The following USP34 variants were observed in gnomAD, a reference collection of about 807,000 sequenced individuals.
The protein encoded by USP34 is ubiquitin specific peptidase 34.
A neutral mutation model predicts 460.3 loss-of-function variants in USP34; 70 were observed. The observed-to-expected ratio is 0.15, with a 90% CI of 0.13 to 0.19. The LOEUF is 0.19. USP34 is among the 10% of genes least tolerant of loss of function. The probability of loss-of-function intolerance (pLI) is 1.00; values close to 1 mark genes in which losing one functional copy is unlikely to be tolerated. For missense variants in USP34, 3,985 were observed against 4,236.2 expected, an observed-to-expected ratio of 0.94 and a Z score of 1.65; for synonymous variants, 1,647 against 1,405.3, an observed-to-expected ratio of 1.17 and a Z score of -3.85.
chr2:61,205,276 G>A (rs1300080176), intron 72 of USP34, among the ~76,000 whole-genome samples: 3 of 152,100 alleles, frequency 2.0e-5, no homozygotes, highest in South Asian at 2.1e-4. Context: ...AATGTTTTAC[G>A]ATGCTGGCTG....
At chr2:61,454,858 GGTTTTTTTTTTCT>G (rs917108702) in intron 1 of USP34, among the ~76,000 whole-genome samples, 21 of 102,076 alleles carry the variant, frequency 2.1e-4, no homozygotes, top group Non-Finnish European at 3.2e-4. Flanking sequence ...AATATAGTGG[GGTTTTTTTTTTCT>G]TTTTTTTTTT....
chr2:61,280,405 T>C, intron 38 of USP34, 57 bp from the exon 39 acceptor site: 1 of 851,032 alleles, frequency 1.2e-6, no homozygotes, highest in Non-Finnish European at 1.7e-6. Context: ...AAAATTATAA[T>C]ACATTTAAGA....
At chr2:61,237,258 A>G (rs1223952619) in intron 53 of USP34, among the ~76,000 whole-genome samples, 1 of 152,120 alleles carries the variant, frequency 6.6e-6, no homozygotes, top group Non-Finnish European at 1.5e-5. Flanking sequence ...AGAGTCTGAT[A>G]GCATTCTGCC....
rs529413433 is a variant in USP34 at position 61,387,654 on chromosome 2, A to T, written c.754-4318T>A. On this transcript the variant is annotated intron_variant, in intron 5 of 79. Transcript: ENST00000398571. Reference sequence around the variant, plus strand: ...TATACACACATATATAAAAATATATATTTTACATATGCACACATGTAAAAA... The same window carrying T: ...TATACACACATATATAAAAATATATTTTTTACATATGCACACATGTAAAAA... 1.0e-4 allele frequency among the ~76,000 whole-genome samples: 15 copies of T among 146,494 alleles called. No homozygotes were observed. In the South Asian group the frequency reaches 2.1e-3, roughly 21 times the overall value.
chr2:61,214,673 G>T lies in USP34; in HGVS notation c.8069C>A (p.Ser2690Tyr). Reference sequence around the variant, plus strand: ...ACGGAATGAATTGCTTGGTATAAGGGACACCAGAAGATAAGCTGCAGCTAT... The same window carrying T: ...ACGGAATGAATTGCTTGGTATAAGGTACACCAGAAGATAAGCTGCAGCTAT... ...VRTSAAYLLV[S>Y]LIPSNSFRQM... The change falls in exon 68 of 80, where the codon TCC becomes TAC. Residue 2690 changes from serine to tyrosine, a missense_variant. Physicochemically the swap from Ser to Tyr is moderately radical, Grantham distance 144. Around this residue, in one of 14 missense-constraint regions of USP34, gnomAD observed 604 missense variants for 684.8 expected, o/e 0.88. Transcript: ENST00000398571. The T allele has an allele frequency of 6.2e-7, 1 of 1,613,866 alleles. No individual in the cohort carries two copies. The highest frequency in any genetic ancestry group is 8.5e-7 in the Non-Finnish European group (1 of 1,179,916).
intron 76 of USP34, among the ~76,000 whole-genome samples, chr2:61,192,261 T>C (rs936434842): frequency 1.3e-5 from 2 of 152,224 alleles, no homozygotes; most frequent in African/African-American, 2.4e-5. Context: ...TGAAAGGTAG[T>C]GGGGATCCTT....
chr2:61,307,882 C>T (rs746314724), intron 27 of USP34, among the ~76,000 whole-genome samples: 2 of 151,922 alleles, frequency 1.3e-5, no homozygotes, highest in Non-Finnish European at 2.9e-5. Context: ...AACCCTGTCT[C>T]TACAAAAAAT....
intron 32 of USP34, 104 bp downstream of exon 32, chr2:61,294,845 A>G: frequency 1.1e-6 from 1 of 903,826 alleles, no homozygotes; most frequent in Non-Finnish European, 1.7e-6. Context: ...CTTTATTTTA[A>G]TAGTATATTA....
At chr2:61,241,734 A>T in intron 52 of USP34, 32 bp downstream of exon 52, 1 of 1,501,094 alleles carries the variant, frequency 6.7e-7, no homozygotes, top group Non-Finnish European at 9.0e-7. Flanking sequence ...AAGAAAAAAC[A>T]ATATAAAATT....
At chr2:61,245,166 C>A in intron 51 of USP34, 44 bp downstream of exon 51, 1 of 1,491,072 alleles carries the variant, frequency 6.7e-7, no homozygotes, top group Non-Finnish European at 9.3e-7. Context: ...TGACAAAGCA[C>A]TTGGAAGGAC....
At position 61,347,871 on chromosome 2, in the gene USP34, C is replaced by G; in HGVS notation, c.2284G>C (p.Gly762Arg). ...ATATTTATTTTGAAGTAGGCTTACC[C>G]ATCGTGGTGGTGGTGATGGTGGTGG... ...HHHHHHHHHDGHMVDDMLSAD... is the reference protein window; with the variant it reads ...HHHHHHHHHDRHMVDDMLSAD... The change falls in exon 15 of 80, where the codon GGG (glycine) becomes CGG (arginine). Residue 762 changes from glycine to arginine, a missense_variant and splice_region_variant. Gly to Arg is a moderately radical substitution (Grantham distance 125). Coordinates refer to ENST00000398571, the MANE Select transcript of USP34 (RefSeq NM_014709.4). 2 of 1,611,520 alleles carry G rather than the reference C, an allele frequency of 1.2e-6. No homozygotes were observed. The highest frequency in any genetic ancestry group is 1.7e-6 in the Non-Finnish European group (2 of 1,178,438).
chr2:61,393,880 G>C (rs1572997780), intron 5 of USP34, among the ~76,000 whole-genome samples: 1 of 152,112 alleles, frequency 6.6e-6, no homozygotes, highest in Non-Finnish European at 1.5e-5. Flanking sequence ...GCTCACGCCT[G>C]TAATCTCAGC....
At chr2:61,223,770 C>T (rs1558475029) in intron 62 of USP34, 1 of 154,832 alleles carries the variant, frequency 6.5e-6, no homozygotes, top group South Asian at 2.0e-4. Context: ...AATTACTAGG[C>T]TCAGGGGATC....
chr2:61,311,570 C>T lies in USP34; in HGVS notation c.3787G>A (p.Gly1263Ser), dbSNP rs1175722507. The stretch of plus-strand genomic sequence containing the variant: ...AACTCTCCTTTTCGGTTGCTTTGAC[C>T]AAACTCCTGAAGCTGAGCTTGTTGA... ...INQQAQLQEF[G>S]QSNRKGEFPG... is the part of the protein sequence containing the mutation. Residue 1263 changes from glycine to serine, a missense_variant, in exon 27 of 80, where the codon GGT becomes AGT. Physicochemically the swap from Gly to Ser is moderately conservative, Grantham distance 56 (BLOSUM62 0). Coordinates refer to ENST00000398571, the MANE Select transcript of USP34 (RefSeq NM_014709.4). 6.2e-7 allele frequency: 1 copy of T among 1,608,120 alleles called. No homozygotes were observed. The highest frequency in any genetic ancestry group is 8.5e-7 in the Non-Finnish European group (1 of 1,177,910).
rs928803530 is a variant in USP34, at chr2:61,213,402, C to T, written c.8682+658G>A. On this transcript the variant is annotated intron_variant, in intron 68 of 79. Coordinates refer to ENST00000398571, the MANE Select transcript of USP34 (RefSeq NM_014709.4). ...TTACACCATCTAGAAAAAAAAAGAC[C>T]GTCTATAAAGGACGGTCTGTCTTTA... is the stretch of plus-strand genomic sequence containing the variant. Among the ~76,000 whole-genome samples the T allele has an allele frequency of 3.4e-4, 51 of 152,042 alleles. 1 individual carries two copies. The highest frequency in any genetic ancestry group is 1.9e-4 in the East Asian group (1 of 5,188).
At chr2:61,434,130 C>T (rs1054873654) in intron 1 of USP34, among the ~76,000 whole-genome samples, 1 of 152,176 alleles carries the variant, frequency 6.6e-6, no homozygotes, top group Non-Finnish European at 1.5e-5. Context: ...AGTGAAGCAG[C>T]CATGCACCCT....
At chr2:61,330,815 A>C (rs974047238) in intron 20 of USP34, among the ~76,000 whole-genome samples, 1 of 152,160 alleles carries the variant, frequency 6.6e-6, no homozygotes, top group Admixed American at 6.5e-5. Context: ...AATATTAATG[A>C]TATACCACCA....
At position 61,206,705 on chromosome 2, in the gene USP34, TTC is replaced by T. The variant is rs930170320; in HGVS notation, c.9046+53_9046+54del. ...CTCTGGGGCACATGATTTTAAAACC[TTC>T]TCTCTCTTTACTAGTAGCACGAACA... On this transcript the variant is annotated intron_variant, in intron 71 of 79. Transcript: ENST00000398571. 2.3e-5 allele frequency: 36 copies of T among 1,585,998 alleles called. 1 individual carries two copies. The highest frequency in any genetic ancestry group is 7.3e-5 in the Admixed American group (4 of 54,582).
intron 68 of USP34, among the ~76,000 whole-genome samples, chr2:61,213,586 TG>T (rs1054932184): frequency 2.0e-5 from 3 of 152,354 alleles, no homozygotes; most frequent in African/African-American, 7.2e-5. Flanking sequence ...GTATCTCGAT[TG>T]ATCTCTTAAG....
Sources: gnomAD v4.1 joint callset for allele counts (sites outside exome capture counted in the v4.1 genomes callset) on GRCh38, gnomAD v4.1.1 for gene constraint, gnomAD v4.1.1 regional missense constraint, MANE v1.5 for transcripts, NCBI Gene and HGNC (gene_info 2026-07-23, HGNC 2026-07-21) for gene names.